The following WDR62 variants were observed in gnomAD, a reference collection of about 807,000 sequenced individuals.
WDR62 encodes WD repeat-containing protein 62.
Under a neutral mutation model 160.6 loss-of-function variants are expected in WDR62, and 112 were observed. That is an observed-to-expected ratio of 0.70 (90% CI 0.60 to 0.82). WDR62 has a LOEUF of 0.82. Ranked by LOEUF, WDR62 falls within the 40% of genes least tolerant of loss-of-function variation. The pLI, the probability that WDR62 is intolerant of heterozygous loss-of-function variation, is 0.00. For missense variants in WDR62, 1,819 were observed against 1,983.8 expected (o/e 0.92, Z 1.58); for synonymous variants, 792 against 815.1 (o/e 0.97, Z 0.48).
rs367635704 is a variant in WDR62, at chr19:36,104,802, A to C, written c.4346A>C (p.Gln1449Pro). Reference protein sequence around the residue: ...VSSGQVDTGQQQARTELVSTF... With the variant: ...VSSGQVDTGQPQARTELVSTF... ...AGTGGCCAGGTGGACACCGGGCAGC[A>C]GCAGGCACGGACTGAGCTGGTCTCC... Residue 1449 changes from glutamine to proline, a missense_variant, in exon 32 of 32, where the codon CAG becomes CCG. This residue lies in a region of WDR62 where 770 missense variants were observed against 734.2 expected (regional missense o/e 1.05). Transcript: ENST00000401500. 52 of 1,613,564 alleles carry C rather than the reference A, an allele frequency of 3.2e-5. No individual in the cohort carries two copies. The highest frequency in any genetic ancestry group is 4.2e-5 in the Non-Finnish European group (50 of 1,180,036).
downstream of WDR62, among the ~76,000 whole-genome samples, chr19:36,106,474 T>C (rs1973716063): frequency 6.6e-6 from 1 of 151,856 alleles, no homozygotes; most frequent in East Asian, 1.9e-4. Context: ...TTCTATACAG[T>C]CAAACAGATG....
rs535128204 is a variant in WDR62, at chr19:36,059,821, C to T, written c.270-147C>T. Reference sequence around the variant, plus strand: ...TGTTAAAGTGCCCTAGAATTCTCAGCGTAAACACCTGGAGGAGGGGGAGGA... The same window carrying T: ...TGTTAAAGTGCCCTAGAATTCTCAGTGTAAACACCTGGAGGAGGGGGAGGA... On this transcript the variant is annotated intron_variant, in intron 2 of 31. Coordinates refer to ENST00000401500, the MANE Select transcript of WDR62 (RefSeq NM_001083961.2). The T allele has an allele frequency of 1.3e-3, 1,068 of 810,480 alleles. 21 individuals are homozygous for T. In the South Asian group the frequency reaches 0.014, roughly 11 times the overall value. 50.2% of individuals were successfully genotyped at this position (810,480 alleles called of 1,614,324 possible). A position where few individuals can be genotyped will look rare whatever the true frequency, so the allele number is the denominator to read the frequency against.
At chr19:36,064,835 C>T (rs1416427046) in intron 3 of WDR62, among the ~76,000 whole-genome samples, 1 of 152,188 alleles carries the variant, frequency 6.6e-6, no homozygotes, top group Non-Finnish European at 1.5e-5. Context: ...ACCCCTCTGC[C>T]TCCCAAAGTG....
chr19:36,105,038 C>T lies in WDR62; in HGVS notation c.*10C>T, dbSNP rs1380479515. On this transcript the variant is annotated 3_prime_UTR_variant, in exon 32 of 32. Transcript: ENST00000401500. Reference sequence around the variant, plus strand: ...GGCACGGGGGCACTGAGGGCGCAGCCCCTCCACCGCAGCCCTGCTGCTTCT... The same window carrying T: ...GGCACGGGGGCACTGAGGGCGCAGCTCCTCCACCGCAGCCCTGCTGCTTCT... The T allele has an allele frequency of 6.3e-7, 1 of 1,589,650 alleles. No homozygotes were observed. Among genetic ancestry groups the T allele is most frequent in the Non-Finnish European group, 8.5e-7 (1 of 1,175,734 alleles).
downstream of WDR62, among the ~76,000 whole-genome samples, chr19:36,105,747 A>G (rs1255291348): frequency 1.3e-5 from 2 of 152,076 alleles, no homozygotes; most frequent in Non-Finnish European, 2.9e-5. Context: ...CATCCAGGCT[A>G]GAGTGCAGTG....
chr19:36,102,258 G>A, intron 26 of WDR62, 107 bp downstream of exon 26: 1 of 1,517,472 alleles, frequency 6.6e-7, no homozygotes, highest in Non-Finnish European at 9.1e-7. Context: ...GGTGAGTGGA[G>A]AGCAACTGCT....
At chr19:36,099,638 C>T in intron 22 of WDR62, 21 bp downstream of exon 22, 1 of 1,612,714 alleles carries the variant, frequency 6.2e-7, no homozygotes, top group Non-Finnish European at 8.5e-7. Context: ...CCACCGCAGC[C>T]TGGCCCATAG....
intron 9 of WDR62, 144 bp from the exon 10 acceptor site, chr19:36,081,289 T>C (rs1277643293): frequency 2.0e-6 from 2 of 1,013,568 alleles, no homozygotes; most frequent in Non-Finnish European, 3.0e-6. Flanking sequence ...GTGTCCTTTT[T>C]TTTTCTTGTT....
chr19:36,067,187 G>A, intron 5 of WDR62, 119 bp from the exon 6 acceptor site: 2 of 1,356,118 alleles, frequency 1.5e-6, no homozygotes, highest in Non-Finnish European at 2.1e-6. Context: ...CTCCCTGGAG[G>A]GTCCCAGGAA....
rs2145796490 is a variant in WDR62, at chr19:36,092,800, T to C, written c.2322T>C (p.Ser774=). 1.9e-6 allele frequency: 3 copies of C among 1,613,538 alleles called. No individual in the cohort carries two copies. The highest frequency in any genetic ancestry group is 2.5e-6 in the Non-Finnish European group (3 of 1,179,850). ...QQQHTNDKKR[S]GHPRQDTYVS... ...AGCACACAAATGACAAGAAGCGGAG[T>C]GGCCACCCCAGGTCCTGGCAGCCCC... The change falls in exon 19 of 32, where the codon AGT becomes AGC. Residue 774 remains serine (S), a synonymous_variant. Transcript: ENST00000401500.
chr19:36,090,396 G>C lies in WDR62; in HGVS notation c.1959-49G>C, dbSNP rs539537395. On this transcript the variant is annotated intron_variant, in intron 15 of 31. Transcript: ENST00000401500. ...ACAGCAAGAGCCAGAGAATGAGGTGGTGGGGTAGGCGGGGCCCTGTTGGCC... is the reference window on the plus strand; with the variant it reads ...ACAGCAAGAGCCAGAGAATGAGGTGCTGGGGTAGGCGGGGCCCTGTTGGCC... 1.0e-4 allele frequency: 159 copies of C among 1,576,612 alleles called. 2 individuals carry two copies. In the South Asian group the frequency reaches 1.7e-3, roughly 17 times the overall value.
chr19:36,092,458 C>T (rs1179789675), intron 18 of WDR62, among the ~76,000 whole-genome samples: 1 of 152,212 alleles, frequency 6.6e-6, no homozygotes, highest in Non-Finnish European at 1.5e-5. Flanking sequence ...TTCCTCAGGT[C>T]TTGAGGCCTC....
intron 9 of WDR62, chr19:36,074,294 A>G (rs1237889784): frequency 6.6e-6 from 1 of 151,008 alleles, no homozygotes; most frequent in Non-Finnish European, 1.5e-5. Context: ...TAACAGTGAG[A>G]CCATGTCTAG....
chr19:36,073,906 T>TG (rs1971435804), intron 9 of WDR62: 1 of 365,910 alleles, frequency 2.7e-6, no homozygotes, highest in Admixed American at 3.6e-5. Context: ...CTGCAACTGC[T>TG]GGGGAGAACC....
chr19:36,102,475 TG>T (rs1180989812), intron 26 of WDR62: 2 of 586,244 alleles, frequency 3.4e-6, no homozygotes, highest in Non-Finnish European at 3.0e-6. Context: ...TTGGCCAGAC[TG>T]GTCTCAAACT....
intron 11 of WDR62, among the ~76,000 whole-genome samples, chr19:36,083,695 G>A (rs1176870106): frequency 6.6e-6 from 1 of 152,034 alleles, no homozygotes; most frequent in Non-Finnish European, 1.5e-5. Flanking sequence ...AGGTGCTAGT[G>A]GGACATAGGC....
At chr19:36,072,737 C>T (rs549735275) in intron 8 of WDR62, among the ~76,000 whole-genome samples, 4 of 152,210 alleles carry the variant, frequency 2.6e-5, no homozygotes, top group African/African-American at 9.6e-5. Flanking sequence ...TTGTAGTAGT[C>T]GGGCTCACAG....
intron 1 of WDR62, 22 bp downstream of exon 1, chr19:36,055,170 C>T (rs1475947723): frequency 2.5e-6 from 4 of 1,599,676 alleles, no homozygotes; most frequent in Non-Finnish European, 2.6e-6. Flanking sequence ...CTCGCCATGT[C>T]TACCCCAGTT....
Position 36,075,040 on chromosome 19 carries a change from C to CT in WDR62, c.1233+1520dup, listed in dbSNP as rs368894000. 8.1e-3 allele frequency: 1,186 copies of CT among 146,558 alleles called. 14 individuals are homozygous for CT. The highest frequency in any genetic ancestry group is 0.023 in the African/African-American group (944 of 40,282). The allele number at this position is 146,558 out of a possible 1,614,324, so 9.1% of individuals were successfully genotyped here. ...ATACTGCTTCTACCCTCTTCTCTCTCTTTTTTTTTTTCAGACGGAGTTTCA... is the reference window on the plus strand; with the variant it reads ...ATACTGCTTCTACCCTCTTCTCTCTCTTTTTTTTTTTTCAGACGGAGTTTCA... On this transcript the variant is annotated intron_variant, in intron 9 of 31. Coordinates refer to ENST00000401500, the MANE Select transcript of WDR62 (RefSeq NM_001083961.2).
Sources: gnomAD v4.1 joint callset for allele counts (sites outside exome capture counted in the v4.1 genomes callset) on GRCh38, gnomAD v4.1.1 for gene constraint, gnomAD v4.1.1 regional missense constraint, MANE v1.5 for transcripts, NCBI Gene and HGNC (gene_info 2026-07-23, HGNC 2026-07-21) for gene names.